Variants in PLA2G4B observed in about 807,000 individuals in gnomAD.
PLA2G4B encodes phospholipase A2 group IVB.
PLA2G4B carries 122 observed loss-of-function variants against 95.8 expected under a neutral mutation model. The observed-to-expected ratio is 1.27, with a 90% CI of 1.10 to 1.48. PLA2G4B has a LOEUF of 1.48. Ranked by LOEUF, PLA2G4B falls within the 40% of genes most tolerant of loss-of-function variation. PLA2G4B has a pLI of 0.00. For missense variants in PLA2G4B, 1,158 were observed against 996.2 expected (o/e 1.16, Z -2.19); for synonymous variants, 518 against 421.5 (o/e 1.23, Z -2.80).
Position 41,841,053 on chromosome 15 carries a change from A to G in PLA2G4B, c.352-2A>G, listed in dbSNP as rs757362457. Reference sequence around the variant, plus strand: ...CTAACTTACTTCTGGCTCTCTTCCCAGGGTGAGGGGCGCCTGGAAGTTGAA... The same window carrying G: ...CTAACTTACTTCTGGCTCTCTTCCCGGGGTGAGGGGCGCCTGGAAGTTGAA... On this transcript the variant is annotated splice_acceptor_variant, in intron 4 of 19. Coordinates refer to ENST00000458483, the MANE Select transcript of PLA2G4B (RefSeq NM_001114633.2). LOFTEE classifies it high-confidence loss of function. 12 of 1,577,038 alleles carry G rather than the reference A, an allele frequency of 7.6e-6. No individual in the cohort carries two copies. Among genetic ancestry groups the G allele is most frequent in the Non-Finnish European group, 1.0e-5 (12 of 1,158,938 alleles).
Position 41,841,050 on chromosome 15 carries a change from C to G in PLA2G4B, c.352-5C>G. Reference sequence around the variant, plus strand: ...TTTCTAACTTACTTCTGGCTCTCTTCCCAGGGTGAGGGGCGCCTGGAAGTT... The same window carrying G: ...TTTCTAACTTACTTCTGGCTCTCTTGCCAGGGTGAGGGGCGCCTGGAAGTT... On this transcript the variant is annotated splice_region_variant and splice_polypyrimidine_tract_variant and intron_variant, in intron 4 of 19. Coordinates refer to ENST00000458483, the MANE Select transcript of PLA2G4B (RefSeq NM_001114633.2). 6.3e-7 allele frequency: 1 copy of G among 1,576,088 alleles called. No individual in the cohort carries two copies. The highest frequency in any genetic ancestry group is 1.2e-5 in the South Asian group (1 of 84,720).
Position 41,846,282 on chromosome 15 carries a change from TC to T in PLA2G4B, c.1681del (p.Leu561Ter), listed in dbSNP as rs767853593. On this transcript the variant is annotated frameshift_variant, in exon 17 of 20. Coordinates refer to ENST00000458483, the MANE Select transcript of PLA2G4B (RefSeq NM_001114633.2). LOFTEE classifies it high-confidence loss of function. ...GGATAGCTGAGTTTTTCACCGATCTTCTGACGTGGCGTCCACTGGCCCAGGC... is the reference window on the plus strand; with the variant it reads ...GGATAGCTGAGTTTTTCACCGATCTTTGACGTGGCGTCCACTGGCCCAGGC... The part of the protein sequence containing the change: ...GRIAEFFTDL[L>X]TWRPLAQATH... The T allele has an allele frequency of 4.3e-6, 7 of 1,613,988 alleles. No homozygotes were observed. The highest frequency in any genetic ancestry group is 1.7e-5 in the Admixed American group (1 of 60,004).
At chr15:41,845,817 G>A (rs769016852) in intron 15 of PLA2G4B, 42 bp downstream of exon 15, 3 of 1,558,824 alleles carry the variant, frequency 1.9e-6, no homozygotes, top group South Asian at 1.2e-5. Context: ...GCCGAGCAGG[G>A]AAAATGGGTC....
At position 41,843,802 on chromosome 15, in the gene PLA2G4B, G is replaced by A. The variant is rs112317263; in HGVS notation, c.870G>A (p.Gln290=). 2.4e-5 allele frequency: 39 copies of A among 1,613,922 alleles called. No homozygotes were observed. Among genetic ancestry groups the A allele is most frequent in the Middle Eastern group, 3.3e-4 (2 of 6,052 alleles). The change falls in exon 11 of 20, where the codon CAG becomes CAA. Residue 290 remains glutamine (Q), a synonymous_variant. Transcript: ENST00000458483. ...RQALQLDGDL[Q]EDEIPVVAIM... is the part of the protein sequence containing the mutation. ...CCCTGCAGCTGGACGGAGACCTGCA[G>A]GAGGATGAGGTTTGGGGGCTGGGCT...
intron 10 of PLA2G4B, 45 bp downstream of exon 10, chr15:41,842,636 C>A: frequency 6.2e-7 from 1 of 1,602,020 alleles, no homozygotes. Context: ...GGAAAACAAC[C>A]AGGGTGCGGG....
Position 41,846,651 on chromosome 15 carries a change from C to T in PLA2G4B, c.1781-18C>T. The T allele has an allele frequency of 6.3e-7, 1 of 1,587,062 alleles. No homozygotes were observed. The highest frequency in any genetic ancestry group is 8.6e-7 in the Non-Finnish European group (1 of 1,162,102). On this transcript the variant is annotated intron_variant, in intron 17 of 19. Coordinates refer to ENST00000458483, the MANE Select transcript of PLA2G4B (RefSeq NM_001114633.2). The stretch of plus-strand genomic sequence containing the variant: ...CCCTTGGTATCTGTGACAATTGCTG[C>T]TCTCCCCAACCTTCCAGCTACCACT...
chr15:41,847,500 C>G lies in PLA2G4B; in HGVS notation c.2111C>G (p.Ser704Cys), dbSNP rs2065587238. 6.2e-7 allele frequency: 1 copy of G among 1,607,700 alleles called. No individual in the cohort carries two copies. The highest frequency in any genetic ancestry group is 1.7e-5 in the Admixed American group (1 of 59,798). The change falls in exon 19 of 20, where the codon TCC becomes TGC. Residue 704 changes from serine to cysteine, a missense_variant. Ser to Cys is a moderately radical substitution (Grantham distance 112). Transcript: ENST00000458483. Reference protein sequence around the residue: ...AVLHFPLVSDSFREYSAPGVR... With the variant: ...AVLHFPLVSDCFREYSAPGVR... ...CTGCACTTTCCTCTGGTCAGCGACT[C>G]CTTCCGGGAGTACTCGGCCCCTGGT...
chr15:41,845,801 A>G, intron 15 of PLA2G4B, 26 bp downstream of exon 15: 1 of 1,568,012 alleles, frequency 6.4e-7, no homozygotes, highest in Non-Finnish European at 8.6e-7. Flanking sequence ...AGGCTGGGGA[A>G]GCTGGGCCGA....
At chr15:41,839,215 G>T in intron 1 of PLA2G4B, 1 of 323,428 alleles carries the variant, frequency 3.1e-6, no homozygotes, top group Non-Finnish European at 5.8e-6. Context: ...GGCCCTGGAA[G>T]CAAGTGGCTC....
At chr15:41,847,213 T>C (rs2065576009) in intron 18 of PLA2G4B, 124 bp from the exon 19 acceptor site, 1 of 1,423,984 alleles carries the variant, frequency 7.0e-7, no homozygotes, top group Admixed American at 2.3e-5. Context: ...ACGACTGGCT[T>C]CATAGGCCCC....
Position 41,841,965 on chromosome 15 carries a change from C to G in PLA2G4B, c.621+16C>G. On this transcript the variant is annotated intron_variant, in intron 8 of 19. Coordinates refer to ENST00000458483, the MANE Select transcript of PLA2G4B (RefSeq NM_001114633.2). ...TCGCCTGCAGGTAGTGTGCCTCGCTCCCTCGAGGTGGGGCCCCCAGAACTT... is the reference window on the plus strand; with the variant it reads ...TCGCCTGCAGGTAGTGTGCCTCGCTGCCTCGAGGTGGGGCCCCCAGAACTT... 1 of 1,605,430 alleles carries G rather than the reference C, an allele frequency of 6.2e-7. No homozygotes were observed. Among genetic ancestry groups the G allele is most frequent in the Non-Finnish European group, 8.5e-7 (1 of 1,177,082 alleles).
chr15:41,842,602 T>A lies in PLA2G4B; in HGVS notation c.743+11T>A, dbSNP rs1326497447. On this transcript the variant is annotated intron_variant, in intron 10 of 19. Transcript: ENST00000458483. ...GAAAAAAGAAGCAGGGTGAGAGGCC[T>A]GGCTGGGGACTGGGCAAGGCCCTGG... The A allele has an allele frequency of 6.2e-7, 1 of 1,609,112 alleles. No homozygotes were observed. The highest frequency in any genetic ancestry group is 8.5e-7 in the Non-Finnish European group (1 of 1,178,802).
intron 10 of PLA2G4B, 45 bp downstream of exon 10, chr15:41,842,636 C>T: frequency 1.2e-6 from 2 of 1,602,020 alleles, no homozygotes; most frequent in Non-Finnish European, 1.7e-6. Context: ...GGAAAACAAC[C>T]AGGGTGCGGG....
rs200496005 is a variant in PLA2G4B, at chr15:41,842,610, G to T, written c.743+19G>T. On this transcript the variant is annotated intron_variant, in intron 10 of 19. Coordinates refer to ENST00000458483, the MANE Select transcript of PLA2G4B (RefSeq NM_001114633.2). ...AAGCAGGGTGAGAGGCCTGGCTGGG[G>T]ACTGGGCAAGGCCCTGGAAAACAAC... 1.5e-3 allele frequency: 2,444 copies of T among 1,608,686 alleles called. No homozygotes were observed. The highest frequency in any genetic ancestry group is 2.4e-3 in the Admixed American group (140 of 58,070).
rs754894204 is a variant in PLA2G4B, at chr15:41,845,013, C to T, written c.1182C>T (p.Tyr394=). Residue 394 remains tyrosine, a synonymous_variant, in exon 13 of 20, where the codon TAC becomes TAT. Coordinates refer to ENST00000458483, the MANE Select transcript of PLA2G4B (RefSeq NM_001114633.2). ...QELAERARLG[Y]PSCFTNLWAL... ...TGGCCGAGCGTGCCCGCTTGGGCTA[C>T]CCAAGCTGCTTCACCAACCTGTGGG... The T allele has an allele frequency of 6.2e-6, 10 of 1,605,420 alleles. No homozygotes were observed. The highest frequency in any genetic ancestry group is 6.8e-6 in the Non-Finnish European group (8 of 1,176,324).
intron 14 of PLA2G4B, 133 bp downstream of exon 14, chr15:41,845,453 C>G: frequency 6.9e-7 from 1 of 1,451,892 alleles, no homozygotes; most frequent in South Asian, 1.3e-5. Context: ...GAGACCGGCA[C>G]CCTACCAGGG....
intron 18 of PLA2G4B, 49 bp from the exon 19 acceptor site, chr15:41,847,285 TGAG>T (rs1016279698): frequency 1.9e-6 from 3 of 1,544,492 alleles, no homozygotes; most frequent in African/African-American, 1.4e-5. Context: ...GCCCCAGTGT[TGAG>T]GATGCCAGGG....
Position 41,842,685 on chromosome 15 carries a change from C to T in PLA2G4B, c.743+94C>T, listed in dbSNP as rs540555739. 5.3e-4 allele frequency: 821 copies of T among 1,535,782 alleles called. 6 individuals are homozygous for T. The African/African-American group carries it at 9.5e-3, about 18-fold the overall frequency. ...TGGAGGAGTGAGGGGGAGAAACAGC[C>T]GCCCCTCATCCTCATGCTCTCTGAA... is the stretch of plus-strand genomic sequence containing the variant. On this transcript the variant is annotated intron_variant, in intron 10 of 19. Coordinates refer to ENST00000458483, the MANE Select transcript of PLA2G4B (RefSeq NM_001114633.2).
In PLA2G4B at chr15:41,842,240, T is replaced by C; in HGVS notation, c.669T>C (p.Ser223=). The C allele has an allele frequency of 6.2e-7, 1 of 1,614,108 alleles. No individual in the cohort carries two copies. The highest frequency in any genetic ancestry group is 1.1e-5 in the South Asian group (1 of 91,088). ...AGGCGCCACTGAGTGCCCTGCCCTC[T>C]GGTCAAGTGGTGAGGCTTGTCTTCC... The part of the protein sequence containing the change: ...QLKAPLSALP[S]GQVVRLVFPT... Residue 223 remains serine, a synonymous_variant, in exon 9 of 20, where the codon TCT becomes TCC. Coordinates refer to ENST00000458483, the MANE Select transcript of PLA2G4B (RefSeq NM_001114633.2).
Sources: gnomAD v4.1 joint callset for allele counts on GRCh38, gnomAD v4.1.1 for gene constraint, MANE v1.5 for transcripts, NCBI Gene and HGNC (gene_info 2026-07-23, HGNC 2026-07-21) for gene names.